Variants in MGST2 observed in about 807,000 individuals in gnomAD.
MGST2 encodes microsomal glutathione S-transferase 2.
A neutral mutation model predicts 16.6 loss-of-function variants in MGST2; 9 were observed. The ratio of observed to expected loss-of-function variants is 0.54; its 90% CI spans 0.33 to 0.95. MGST2 has a LOEUF of 0.95. Ranked by LOEUF, MGST2 falls within the 40% of genes least tolerant of loss-of-function variation. MGST2 has a pLI of 0.03. For missense variants in MGST2, 159 were observed against 175.1 expected (o/e 0.91, Z 0.52); for synonymous variants, 79 against 68.0 (o/e 1.16, Z -0.79).
rs536222998 is a variant in MGST2, at chr4:139,674,270, C to T, written c.59-4273C>T. 4.6e-5 allele frequency among the ~76,000 whole-genome samples: 7 copies of T among 152,150 alleles called. No homozygotes were observed. The East Asian group carries it at 1.2e-3, about 25-fold the overall frequency. The stretch of plus-strand genomic sequence containing the variant: ...TGTACATTGGTTCAGTCCGGAAAGG[C>T]GAGACAACTCAAAGTCTATATCCAG... On this transcript the variant is annotated intron_variant, in intron 1 of 4. Coordinates refer to ENST00000265498, the MANE Select transcript of MGST2 (RefSeq NM_002413.5).
At chr4:139,690,987 G>A (rs759931114) in intron 2 of MGST2, among the ~76,000 whole-genome samples, 10 of 152,156 alleles carry the variant, frequency 6.6e-5, no homozygotes, top group Non-Finnish European at 1.2e-4. Flanking sequence ...GTTCTTCTGG[G>A]TCTTACCCAG....
At position 139,678,614 on chromosome 4, in the gene MGST2, C is replaced by A. The variant is rs1310842871; in HGVS notation, c.130C>A (p.Pro44Thr). The A allele has an allele frequency of 6.2e-7, 1 of 1,613,862 alleles. No homozygotes were observed. The highest frequency in any genetic ancestry group is 2.2e-5 in the East Asian group (1 of 44,868). Residue 44 changes from proline to threonine, a missense_variant, in exon 2 of 5, where the codon CCA becomes ACA. Pro to Thr is a conservative substitution (Grantham distance 38). Coordinates refer to ENST00000265498, the MANE Select transcript of MGST2 (RefSeq NM_002413.5). Reference sequence around the variant, plus strand: ...TACGCCCCCAGCAGTCACTGGGTCACCAGAGTTTGAGAGAGTATTTCGGGC... The same window carrying A: ...TACGCCCCCAGCAGTCACTGGGTCAACAGAGTTTGAGAGAGTATTTCGGGC... ...KVTPPAVTGS[P>T]EFERVFRAQQ...
At chr4:139,695,362 C>T in intron 3 of MGST2, 95 bp downstream of exon 3, 3 of 1,068,552 alleles carry the variant, frequency 2.8e-6, no homozygotes, top group South Asian at 1.3e-5. Flanking sequence ...TGGCTCACAC[C>T]TATATTCCCA....
the MGST2 span, among the ~76,000 whole-genome samples, chr4:139,747,349 A>G: frequency 1.3e-5 from 2 of 152,210 alleles, no homozygotes; most frequent in African/African-American, 4.8e-5. Flanking sequence ...TAGCATCTGC[A>G]TGCATCTCTT....
chr4:139,686,300 T>G (rs1467851195), intron 2 of MGST2, among the ~76,000 whole-genome samples: 1 of 150,624 alleles, frequency 6.6e-6, no homozygotes, highest in Non-Finnish European at 1.5e-5. Context: ...GAGACCAAAG[T>G]TCTTGTTTGC....
chr4:139,694,443 G>C (rs1221258709), intron 2 of MGST2, among the ~76,000 whole-genome samples: 1 of 152,018 alleles, frequency 6.6e-6, no homozygotes, highest in Non-Finnish European at 1.5e-5. Flanking sequence ...TCAGCAAAGA[G>C]CTCGGCCAAC....
chr4:139,745,821 T>C, the MGST2 span, among the ~76,000 whole-genome samples: 8 of 152,202 alleles, frequency 5.3e-5, no homozygotes, highest in Non-Finnish European at 1.2e-4. Context: ...GAACAGTAGG[T>C]ATATACTGTG....
intron 5 of MGST2, among the ~76,000 whole-genome samples, chr4:139,711,188 T>C (rs1474993326): frequency 6.6e-6 from 1 of 151,946 alleles, no homozygotes; most frequent in East Asian, 1.9e-4. Flanking sequence ...TGTTTTCTAT[T>C]TTTTGTAGAG....
downstream of MGST2, among the ~76,000 whole-genome samples, chr4:139,707,136 G>C (rs1727550800): frequency 6.6e-6 from 1 of 151,884 alleles, no homozygotes; most frequent in South Asian, 2.1e-4. Context: ...GTGCCATGTT[G>C]GTGTGCTGCA....
At chr4:139,716,825 C>CAT (rs1390818775) in intron 5 of MGST2, 1 of 152,552 alleles carries the variant, frequency 6.6e-6, no homozygotes, top group African/African-American at 2.4e-5. Flanking sequence ...TTCATTTCTA[C>CAT]ATTTCAGCGT....
rs762103631 is a variant in MGST2 at position 139,719,924 on chromosome 4, G to C, written c.*48+15728G>C. 3 of 1,613,952 alleles carry C rather than the reference G, an allele frequency of 1.9e-6. No homozygotes were observed. The Admixed American group carries it at 5.0e-5, about 27-fold the overall frequency. On this transcript the variant is annotated intron_variant, in intron 5 of 5. Coordinates refer to the MGST2 transcript ENST00000616265. The stretch of plus-strand genomic sequence containing the variant: ...TGGAGGGGCTTGGGGCCTAGGCAAG[G>C]CCTGGCCTACTGGCCCTTTCATCTG...
intron 5 of MGST2, chr4:139,720,108 T>C: frequency 3.1e-6 from 5 of 1,614,092 alleles, no homozygotes; most frequent in Non-Finnish European, 4.2e-6. Context: ...ATTTGGGTCA[T>C]GCCTGTGCTC....
At chr4:139,713,921 A>G (rs568961596) in intron 5 of MGST2, among the ~76,000 whole-genome samples, 1 of 152,340 alleles carries the variant, frequency 6.6e-6, no homozygotes. Flanking sequence ...TTCCTTTCCC[A>G]GGAAGAGTCT....
chr4:139,673,143 C>T (rs937222172), intron 1 of MGST2, among the ~76,000 whole-genome samples: 4 of 152,118 alleles, frequency 2.6e-5, no homozygotes. Flanking sequence ...TATTGAGGTA[C>T]TAAAACAAGT....
chr4:139,707,553 T>C (rs930026863), downstream of MGST2, among the ~76,000 whole-genome samples: 6 of 152,218 alleles, frequency 3.9e-5, no homozygotes, highest in African/African-American at 1.4e-4. Flanking sequence ...TGATTTATAA[T>C]CCTTTGGGTA....
intron 3 of MGST2, among the ~76,000 whole-genome samples, chr4:139,701,429 TG>T (rs1258446683): frequency 6.6e-6 from 1 of 152,162 alleles, no homozygotes; most frequent in East Asian, 1.9e-4. Flanking sequence ...TCCTGTCCTG[TG>T]GTGCCGATAC....
chr4:139,750,835 C>A, the MGST2 span, among the ~76,000 whole-genome samples: 18 of 152,174 alleles, frequency 1.2e-4, 1 homozygote, highest in Admixed American at 9.8e-4. Context: ...CTCCCTACCC[C>A]CTTTTAAAAA....
At chr4:139,712,441 C>A (rs1024700516) in intron 5 of MGST2, among the ~76,000 whole-genome samples, 1 of 152,156 alleles carries the variant, frequency 6.6e-6, no homozygotes, top group Non-Finnish European at 1.5e-5. Context: ...TTACTAAAGA[C>A]GAATTATGGT....
chr4:139,735,474 G>A lies in MGST2; in HGVS notation c.*49-4738G>A, dbSNP rs1348805175. On this transcript the variant is annotated intron_variant, in intron 5 of 5. Coordinates refer to the MGST2 transcript ENST00000616265. The surrounding 1 kb of genome is among the most constrained non-coding windows in gnomAD (Gnocchi z 5.8). Reference sequence around the variant, plus strand: ...AGGGGGGCAGTGGCGACCTCCGGGGGGGGAGGGTGGCGGACACCAGACCCC... The same window carrying A: ...AGGGGGGCAGTGGCGACCTCCGGGGAGGGAGGGTGGCGGACACCAGACCCC... Among the ~76,000 whole-genome samples the A allele has an allele frequency of 6.6e-6, 1 of 151,824 alleles. No individual in the cohort carries two copies. The highest frequency in any genetic ancestry group is 2.0e-4 in the East Asian group (1 of 5,082).
Sources: gnomAD v4.1 joint callset for allele counts (sites outside exome capture counted in the v4.1 genomes callset) on GRCh38, gnomAD v4.1.1 for gene constraint, Gnocchi (gnomAD v3.1) non-coding constraint, MANE v1.5 for transcripts, NCBI Gene and HGNC (gene_info 2026-07-23, HGNC 2026-07-21) for gene names.